The following NKAIN2 variants were observed in gnomAD, a reference collection of about 807,000 sequenced individuals.
The protein encoded by NKAIN2 is sodium/potassium-transporting ATPase subunit beta-1-interacting protein 2.
In NKAIN2, 14 loss-of-function variants were observed where a neutral mutation model predicts 32.6. That is an observed-to-expected ratio of 0.43 (90% CI 0.28 to 0.67). The LOEUF (loss-of-function observed/expected upper bound fraction) is 0.67. Among genes scored for constraint, NKAIN2 ranks in the 30% least tolerant of loss-of-function variants. The pLI is 0.17. For missense variants in NKAIN2, 198 were observed against 258.3 expected (o/e 0.77, Z 1.60); for synonymous variants, 80 against 87.2 (o/e 0.92, Z 0.46).
At chr6:124,593,983 T>A (rs1781998139) in intron 3 of NKAIN2, among the ~76,000 whole-genome samples, 1 of 152,202 alleles carries the variant, frequency 6.6e-6, no homozygotes, top group Non-Finnish European at 1.5e-5. Context: ...TAAAGTCCCG[T>A]AAACCATTGC....
chr6:124,616,508 A>T, intron 3 of NKAIN2, among the ~76,000 whole-genome samples: 1 of 99,276 alleles, frequency 1.0e-5, no homozygotes, highest in South Asian at 3.4e-4. Context: ...TCTGTCACCC[A>T]CCCTGGAGTG....
At chr6:124,729,994 A>G (rs1015453445) in intron 4 of NKAIN2, among the ~76,000 whole-genome samples, 1 of 143,494 alleles carries the variant, frequency 7.0e-6, no homozygotes, top group Admixed American at 7.2e-5. Flanking sequence ...TAGGAATCCA[A>G]CTTACAAGGC....
At chr6:123,817,947 C>G (rs1321850051) in intron 1 of NKAIN2, among the ~76,000 whole-genome samples, 1 of 152,056 alleles carries the variant, frequency 6.6e-6, no homozygotes, top group Non-Finnish European at 1.5e-5. Flanking sequence ...CTCAACCAAG[C>G]CTTCAGTATT....
intron 3 of NKAIN2, among the ~76,000 whole-genome samples, chr6:124,601,264 T>C (rs1341604082): frequency 6.6e-6 from 1 of 152,076 alleles, no homozygotes; most frequent in Admixed American, 6.6e-5. Context: ...ACCATTACCA[T>C]GCTTTGGAAA....
intron 3 of NKAIN2, among the ~76,000 whole-genome samples, chr6:124,630,463 A>G (rs1371313606): frequency 2.6e-5 from 4 of 152,202 alleles, no homozygotes; most frequent in Non-Finnish European, 5.9e-5. Context: ...TCTGTAATAC[A>G]GAATGAAAAA....
intron 3 of NKAIN2, among the ~76,000 whole-genome samples, chr6:124,546,935 G>A (rs1780115885): frequency 6.6e-6 from 1 of 152,138 alleles, no homozygotes; most frequent in South Asian, 2.1e-4. Context: ...GTCCTGATAC[G>A]TTGAGCACTA....
intron 3 of NKAIN2, among the ~76,000 whole-genome samples, chr6:124,471,337 TC>T (rs1776965832): frequency 6.6e-6 from 1 of 152,130 alleles, no homozygotes; most frequent in Non-Finnish European, 1.5e-5. Flanking sequence ...TTTTCTTGTT[TC>T]TTTAGAACAA....
chr6:124,348,001 A>C (rs1263155069), intron 2 of NKAIN2, among the ~76,000 whole-genome samples: 1 of 152,150 alleles, frequency 6.6e-6, no homozygotes, highest in Non-Finnish European at 1.5e-5. Context: ...GGTGATGTAC[A>C]GATGGGTTTT....
chr6:124,009,924 A>G (rs552053174), intron 1 of NKAIN2, among the ~76,000 whole-genome samples: 3 of 152,242 alleles, frequency 2.0e-5, no homozygotes, highest in Admixed American at 6.5e-5. Flanking sequence ...ATGTGTACAT[A>G]ATATATGTAT....
intron 1 of NKAIN2, among the ~76,000 whole-genome samples, chr6:124,087,090 T>G (rs1784220620): frequency 6.6e-6 from 1 of 151,926 alleles, no homozygotes; most frequent in Non-Finnish European, 1.5e-5. Context: ...TAAATAGGAT[T>G]TATCTCAGTT....
At chr6:123,957,660 T>C (rs1488580442) in intron 1 of NKAIN2, among the ~76,000 whole-genome samples, 1 of 152,196 alleles carries the variant, frequency 6.6e-6, no homozygotes, top group African/African-American at 2.4e-5. Flanking sequence ...TTTACAAATA[T>C]ATTAATCCAG....
At chr6:124,733,740 C>CATATAGTTACATATGTAAATAT (rs1243273636) in intron 4 of NKAIN2, among the ~76,000 whole-genome samples, 3 of 151,416 alleles carry the variant, frequency 2.0e-5, no homozygotes, top group East Asian at 2.0e-4. Context: ...AATATAGATG[C>CATATAGTTACATATGTAAATAT]ATATAGTTAC....
rs549531962 is a variant in NKAIN2, at chr6:124,244,394, T to C, written c.55-38611T>C. Among the ~76,000 whole-genome samples, 187 of 151,974 alleles carry C rather than the reference T, an allele frequency of 1.2e-3. 1 individual carries two copies. Among genetic ancestry groups the C allele is most frequent in the African/African-American group, 4.3e-3 (180 of 41,452 alleles). On this transcript the variant is annotated intron_variant, in intron 1 of 6. Coordinates refer to ENST00000368417, the MANE Select transcript of NKAIN2 (RefSeq NM_001040214.3). ...CTGAGAATGATGATTTCCAGTTTCA[T>C]CCATGTCCCTACAAAGGACATGAAC...
chr6:124,695,481 G>C (rs1774455998), intron 4 of NKAIN2, among the ~76,000 whole-genome samples: 1 of 152,170 alleles, frequency 6.6e-6, no homozygotes, highest in African/African-American at 2.4e-5. Flanking sequence ...TTATTGATTT[G>C]ATTCTGAGAG....
At chr6:124,508,431 G>C (rs992080534) in intron 3 of NKAIN2, among the ~76,000 whole-genome samples, 3 of 151,046 alleles carry the variant, frequency 2.0e-5, no homozygotes, top group Non-Finnish European at 4.4e-5. Flanking sequence ...TGCAAGCTCC[G>C]CCTCCCGGGT....
intron 1 of NKAIN2, among the ~76,000 whole-genome samples, chr6:124,037,918 C>T (rs187707219): frequency 2.6e-5 from 4 of 152,212 alleles, no homozygotes; most frequent in East Asian, 1.9e-4. Flanking sequence ...ACAAGTTTGA[C>T]GCTGAAGGAA....
intron 5 of NKAIN2, among the ~76,000 whole-genome samples, chr6:124,799,741 TTAATAGCCTTAATAAGAAAGAAACCA>T (rs1421111724): frequency 2.0e-5 from 3 of 152,164 alleles, no homozygotes; most frequent in African/African-American, 7.2e-5. Context: ...TGATGTTGTT[TTAATAGCCTTAATAAGAAAGAAACCA>T]TGTGACTTGA....
chr6:124,634,027 C>A (rs1368913312), intron 3 of NKAIN2, among the ~76,000 whole-genome samples: 2 of 151,492 alleles, frequency 1.3e-5, no homozygotes, highest in Non-Finnish European at 2.9e-5. Context: ...GGAGATTATA[C>A]TACTGTGCCC....
intron 3 of NKAIN2, among the ~76,000 whole-genome samples, chr6:124,444,908 A>G (rs936985513): frequency 6.6e-6 from 1 of 152,040 alleles, no homozygotes; most frequent in Non-Finnish European, 1.5e-5. Context: ...ATGTATGTAC[A>G]GAATTTAGAA....
Sources: allele counts gnomAD v4.1 joint callset (sites outside exome capture counted in the v4.1 genomes callset), GRCh38; gene constraint gnomAD v4.1.1; transcripts MANE v1.5; gene names NCBI Gene and HGNC (gene_info 2026-07-23, HGNC 2026-07-21).